Variants in TPRG1 observed in about 807,000 individuals in gnomAD.
The protein encoded by TPRG1 is tumor protein p63-regulated gene 1 protein.
A neutral mutation model predicts 29.3 loss-of-function variants in TPRG1; 29 were observed. That is an observed-to-expected ratio of 0.99 (90% CI 0.74 to 1.35). TPRG1 has a LOEUF of 1.35. Ranked by LOEUF, TPRG1 falls within the 40% of genes most tolerant of loss-of-function variation. The pLI is 0.00. For missense variants in TPRG1, 327 were observed against 335.0 expected, an observed-to-expected ratio of 0.98 and a Z score of 0.19; for synonymous variants, 130 against 116.8, an observed-to-expected ratio of 1.11 and a Z score of -0.73.
chr3:189,217,237 T>C (rs755296793), intron 3 of TPRG1, among the ~76,000 whole-genome samples: 1 of 152,210 alleles, frequency 6.6e-6, no homozygotes, highest in African/African-American at 2.4e-5. Flanking sequence ...GTAACACCAG[T>C]AGTTTTCAGA....
intron 3 of TPRG1, among the ~76,000 whole-genome samples, chr3:189,022,546 G>T (rs539453509): frequency 3.2e-4 from 49 of 151,626 alleles, no homozygotes; most frequent in East Asian, 1.4e-3. Flanking sequence ...GGCTGCTCGG[G>T]GGTCAGGGGT....
At chr3:189,263,367 T>A (rs946125833) in intron 4 of TPRG1, among the ~76,000 whole-genome samples, 4 of 152,202 alleles carry the variant, frequency 2.6e-5, no homozygotes, top group Non-Finnish European at 4.4e-5. Flanking sequence ...GAGAGCTTGG[T>A]GCCTCCGAGG....
rs150994586 is a variant in TPRG1, at chr3:189,251,574, G to A, written c.479+12665G>A. Among the ~76,000 whole-genome samples the A allele has an allele frequency of 6.0e-3, 911 of 152,254 alleles. 12 individuals are homozygous for A. Among genetic ancestry groups the A allele is most frequent in the African/African-American group, 0.02 (833 of 41,526 alleles). On this transcript the variant is annotated intron_variant, in intron 4 of 5. Coordinates refer to ENST00000345063, the MANE Select transcript of TPRG1 (RefSeq NM_198485.4). ...TCATTTTTGGGTGTTTCTTAGAGAGGGGGATGTGGCAGGATCACAGGATAA... is the reference window on the plus strand; with the variant it reads ...TCATTTTTGGGTGTTTCTTAGAGAGAGGGATGTGGCAGGATCACAGGATAA...
chr3:189,005,924 T>G (rs1344781749), intron 3 of TPRG1, among the ~76,000 whole-genome samples: 2 of 151,982 alleles, frequency 1.3e-5, no homozygotes, highest in Admixed American at 1.3e-4. Flanking sequence ...AATGGAAGCA[T>G]ATGCAAAATG....
intron 4 of TPRG1, among the ~76,000 whole-genome samples, chr3:189,033,543 G>A (rs968012198): frequency 6.6e-6 from 1 of 151,674 alleles, no homozygotes; most frequent in African/African-American, 2.4e-5. Flanking sequence ...CAAAGTGCTG[G>A]GATTATAGGT....
intron 4 of TPRG1, among the ~76,000 whole-genome samples, chr3:189,059,152 T>C (rs572514605): frequency 6.6e-6 from 1 of 152,292 alleles, no homozygotes; most frequent in African/African-American, 2.4e-5. Context: ...TAATATCTAA[T>C]TCATAGGATT....
chr3:189,078,137 CCTTTCTT>C (rs1717347901), intron 4 of TPRG1, among the ~76,000 whole-genome samples: 1 of 50,024 alleles, frequency 2.0e-5, no homozygotes. Context: ...TTCTTTCTTT[CCTTTCTT>C]TTTTTTTTTT....
chr3:189,214,363 A>ATT (rs1735718098), intron 2 of TPRG1, among the ~76,000 whole-genome samples: 1 of 152,200 alleles, frequency 6.6e-6, no homozygotes, highest in South Asian at 2.1e-4. Context: ...GTCATTAAAG[A>ATT]AAGTATTATT....
At chr3:189,204,952 CA>C (rs1734094795) in intron 1 of TPRG1, among the ~76,000 whole-genome samples, 5 of 138,142 alleles carry the variant, frequency 3.6e-5, no homozygotes, top group Non-Finnish European at 7.9e-5. Context: ...CTCTCTCACA[CA>C]CACACACACA....
chr3:189,080,756 G>A (rs1436301894), intron 4 of TPRG1, among the ~76,000 whole-genome samples: 2 of 151,978 alleles, frequency 1.3e-5, no homozygotes. Flanking sequence ...GTGTGGGGAG[G>A]CCATCCTGGG....
At chr3:189,014,513 A>G (rs1042144877) in intron 3 of TPRG1, among the ~76,000 whole-genome samples, 7 of 152,022 alleles carry the variant, frequency 4.6e-5, no homozygotes, top group Non-Finnish European at 1.0e-4. Flanking sequence ...GGACTGTTAT[A>G]ATGTATGATA....
intron 5 of TPRG1, among the ~76,000 whole-genome samples, chr3:189,319,757 A>G (rs1028805204): frequency 1.3e-5 from 2 of 152,082 alleles, no homozygotes; most frequent in African/African-American, 2.4e-5. Flanking sequence ...CTAAAATCAC[A>G]TCAATCCAAA....
rs61605935 is a variant in TPRG1, at chr3:189,087,434, A to C, written c.-462-39623A>C. 9.7e-3 allele frequency among the ~76,000 whole-genome samples: 1,474 copies of C among 152,098 alleles called. 23 individuals are homozygous for C. Among genetic ancestry groups the C allele is most frequent in the African/African-American group, 0.034 (1,411 of 41,486 alleles). ...CTTTGTCAGATGAGTAGGTTGCAAA[A>C]ATTTTCTCCCATTCTGTAGGTTGCC... is the stretch of plus-strand genomic sequence containing the variant. On this transcript the variant is annotated intron_variant, in intron 4 of 10. Transcript: ENST00000433971.
intron 1 of TPRG1, among the ~76,000 whole-genome samples, chr3:189,175,665 A>G (rs1402202281): frequency 6.6e-6 from 1 of 152,248 alleles, no homozygotes; most frequent in Non-Finnish European, 1.5e-5. Context: ...GAGCACTTAC[A>G]TGAATACAAT....
chr3:189,062,369 G>A lies in TPRG1; in HGVS notation c.-463+38423G>A, dbSNP rs553233213. 7.2e-5 allele frequency among the ~76,000 whole-genome samples: 11 copies of A among 152,164 alleles called. No individual in the cohort carries two copies. In the South Asian group the frequency reaches 2.3e-3, roughly 32 times the overall value. ...TAATACCTGGGTGATGAAATAATCT[G>A]TACAACAAACCCTGGCGACATGAGT... On this transcript the variant is annotated intron_variant, in intron 4 of 10. Transcript: ENST00000433971.
chr3:189,097,747 C>T (rs940494705), upstream of TPRG1, among the ~76,000 whole-genome samples: 24 of 152,158 alleles, frequency 1.6e-4, no homozygotes, highest in Non-Finnish European at 2.4e-4. Flanking sequence ...GTTGTTTTTG[C>T]ACATCAGTCC....
At chr3:189,184,822 A>C (rs959925676) in intron 1 of TPRG1, among the ~76,000 whole-genome samples, 1 of 152,176 alleles carries the variant, frequency 6.6e-6, no homozygotes, top group Non-Finnish European at 1.5e-5. Flanking sequence ...CACATTTATT[A>C]AGTATCTATT....
chr3:189,157,830 T>C (rs9859032), intron 5 of TPRG1, among the ~76,000 whole-genome samples: 30,717 of 152,086 alleles, frequency 0.2, 5,153 homozygotes, highest in African/African-American at 0.46. Context: ...GGAGTTATTA[T>C]GACTCCCTCC....
Position 189,320,928 on chromosome 3 carries a change from C to A in TPRG1, c.*108C>A, listed in dbSNP as rs930424104. On this transcript the variant is annotated 3_prime_UTR_variant, in exon 6 of 6. Coordinates refer to ENST00000345063, the MANE Select transcript of TPRG1 (RefSeq NM_198485.4). ...GAAACAATTAATTATTTTTAAATGA[C>A]GCTTTATGATTTAGAAATTTAGTAT... is the stretch of plus-strand genomic sequence containing the variant. 4 of 1,038,808 alleles carry A rather than the reference C, an allele frequency of 3.9e-6. No homozygotes were observed. The highest frequency in any genetic ancestry group is 3.5e-5 in the Admixed American group (1 of 28,508). 64.3% of individuals were successfully genotyped at this position (1,038,808 alleles called of 1,614,324 possible).
Sources: allele counts gnomAD v4.1 joint callset (sites outside exome capture counted in the v4.1 genomes callset), GRCh38; gene constraint gnomAD v4.1.1; transcripts MANE v1.5; gene names NCBI Gene and HGNC (gene_info 2026-07-23, HGNC 2026-07-21).